Variants in ASTN2 observed in about 807,000 individuals in gnomAD.
ASTN2 encodes the protein astrotactin 2.
A neutral mutation model predicts 139.8 loss-of-function variants in ASTN2; 54 were observed. That is an observed-to-expected ratio of 0.39 (90% CI 0.31 to 0.48). The LOEUF (loss-of-function observed/expected upper bound fraction) is 0.48, where lower values mean the gene tolerates loss of function less well. Ranked by LOEUF, ASTN2 falls within the 20% of genes least tolerant of loss-of-function variation. The pLI, the probability that ASTN2 is intolerant of heterozygous loss-of-function variation, is 0.95. For missense variants in ASTN2, 1,565 were observed against 1,725.1 expected (o/e 0.91, Z 1.64); for synonymous variants, 756 against 719.5 (o/e 1.05, Z -0.81).
At chr9:116,984,984 T>C (rs1836635626) in intron 7 of ASTN2, among the ~76,000 whole-genome samples, 1 of 152,174 alleles carries the variant, frequency 6.6e-6, no homozygotes. Context: ...CAAAGAAACA[T>C]GATTCGCGTG....
chr9:117,287,413 G>A (rs914105967), intron 2 of ASTN2, among the ~76,000 whole-genome samples: 6 of 152,156 alleles, frequency 3.9e-5, no homozygotes, highest in East Asian at 1.9e-4. Context: ...AATCAACAAC[G>A]GATGCATAGA....
At chr9:116,550,325 T>C (rs768230934) in intron 19 of ASTN2, among the ~76,000 whole-genome samples, 3 of 152,208 alleles carry the variant, frequency 2.0e-5, no homozygotes, top group Non-Finnish European at 4.4e-5. Flanking sequence ...ATCTGCAATA[T>C]AAACCTGTCA....
chr9:117,188,107 A>T (rs1228385627), intron 3 of ASTN2, among the ~76,000 whole-genome samples: 1 of 151,860 alleles, frequency 6.6e-6, no homozygotes, highest in African/African-American at 2.4e-5. Flanking sequence ...GACAAAAAAA[A>T]ATGTCTTCAG....
chr9:116,841,615 A>G (rs537623817), intron 11 of ASTN2, among the ~76,000 whole-genome samples: 11 of 152,302 alleles, frequency 7.2e-5, no homozygotes, highest in African/African-American at 2.4e-4. Context: ...TGTCAGTCAC[A>G]AAGAATAGAC....
At chr9:116,564,773 C>T (rs1371109050) in intron 19 of ASTN2, among the ~76,000 whole-genome samples, 1 of 149,812 alleles carries the variant, frequency 6.7e-6, no homozygotes, top group East Asian at 1.9e-4. Flanking sequence ...TCTAGTTATT[C>T]ATTCATTCAT....
At chr9:117,138,834 A>T (rs1379102519) in intron 4 of ASTN2, among the ~76,000 whole-genome samples, 2 of 152,170 alleles carry the variant, frequency 1.3e-5, no homozygotes, top group Non-Finnish European at 2.9e-5. Context: ...CTTCTCTAAG[A>T]GGGGAAACAT....
chr9:117,140,444 C>T (rs576396061), intron 4 of ASTN2, among the ~76,000 whole-genome samples: 2 of 151,474 alleles, frequency 1.3e-5, no homozygotes, highest in East Asian at 2.0e-4. Flanking sequence ...CTAGAGACTA[C>T]TGAGTAGATA....
chr9:116,522,865 G>A (rs4837587), intron 19 of ASTN2, among the ~76,000 whole-genome samples: 49,805 of 151,876 alleles, frequency 0.33, 9,534 homozygotes, highest in Admixed American at 0.45. Flanking sequence ...ACTAAATTCT[G>A]TATTATCTCT....
chr9:116,751,765 G>A (rs1829409345), intron 13 of ASTN2, among the ~76,000 whole-genome samples: 1 of 151,896 alleles, frequency 6.6e-6, no homozygotes, highest in Non-Finnish European at 1.5e-5. Context: ...ATTTACATTA[G>A]TACCAAAAAA....
At chr9:117,238,618 CTGATTATTCCTTGA>C (rs1320673255) in intron 2 of ASTN2, among the ~76,000 whole-genome samples, 1 of 152,206 alleles carries the variant, frequency 6.6e-6, no homozygotes, top group Non-Finnish European at 1.5e-5. Flanking sequence ...TGATGAGAAA[CTGATTATTCCTTGA>C]TGATGGAGCA....
At chr9:116,786,486 G>T (rs565891683) in intron 13 of ASTN2, among the ~76,000 whole-genome samples, 4,088 of 152,234 alleles carry the variant, frequency 0.027, 80 homozygotes, top group Non-Finnish European at 0.04. Flanking sequence ...AGTGTCTGGT[G>T]CAGTGTGTCA....
chr9:116,834,202 T>C lies in ASTN2; in HGVS notation c.2041-13419A>G, dbSNP rs184057531. ...TTAAAATTTGCTGAGGCTTTTTTTA[T>C]GGTCCAGGATATAGTCTTGTCTTGA... On this transcript the variant is annotated intron_variant, in intron 11 of 22. Transcript: ENST00000313400. 1.3e-4 allele frequency among the ~76,000 whole-genome samples: 20 copies of C among 152,340 alleles called. No individual in the cohort carries two copies. The East Asian group carries it at 2.5e-3, about 19-fold the overall frequency.
At chr9:116,629,071 A>G (rs1317108170) in intron 17 of ASTN2, among the ~76,000 whole-genome samples, 1 of 150,862 alleles carries the variant, frequency 6.6e-6, no homozygotes. Context: ...TATCCTCCCA[A>G]CAATTTGCGG....
chr9:116,894,879 A>G (rs905985369), intron 10 of ASTN2, among the ~76,000 whole-genome samples: 1 of 152,228 alleles, frequency 6.6e-6, no homozygotes. Flanking sequence ...AACAGTATGA[A>G]TTTAAGGCTC....
intron 12 of ASTN2, among the ~76,000 whole-genome samples, chr9:116,819,333 T>A (rs1476979600): frequency 1.3e-5 from 2 of 152,206 alleles, no homozygotes; most frequent in Non-Finnish European, 1.5e-5. Flanking sequence ...TGCAGTCACT[T>A]AAGCTGAGGA....
At chr9:117,139,699 T>G (rs150712178) in intron 4 of ASTN2, among the ~76,000 whole-genome samples, 58 of 152,302 alleles carry the variant, frequency 3.8e-4, no homozygotes, top group African/African-American at 1.3e-3. Context: ...TACCTTCAAA[T>G]AACTCTCTGT....
chr9:116,803,519 TATA>T (rs1247501711), intron 13 of ASTN2, among the ~76,000 whole-genome samples: 251 of 5,314 alleles, frequency 0.047, 1 homozygote, highest in Non-Finnish European at 0.055. Context: ...TATATATATA[TATA>T]TTTTTTTTTT....
At chr9:116,685,821 G>A (rs1860169764) in intron 16 of ASTN2, among the ~76,000 whole-genome samples, 1 of 151,372 alleles carries the variant, frequency 6.6e-6, no homozygotes, top group Non-Finnish European at 1.5e-5. Flanking sequence ...TAGATCCCCA[G>A]GAGTATTTTT....
chr9:117,089,046 C>T (rs765702996), intron 5 of ASTN2, among the ~76,000 whole-genome samples: 4 of 152,186 alleles, frequency 2.6e-5, no homozygotes, highest in African/African-American at 4.8e-5. Context: ...TCCTTGCCTC[C>T]GGAGACTGTA....
Sources: allele counts gnomAD v4.1 joint callset (sites outside exome capture counted in the v4.1 genomes callset), GRCh38; gene constraint gnomAD v4.1.1; transcripts MANE v1.5; gene names NCBI Gene and HGNC (gene_info 2026-07-23, HGNC 2026-07-21).